The following DDX60L variants were observed in gnomAD, a reference collection of about 807,000 sequenced individuals.
The protein encoded by DDX60L is probable ATP-dependent RNA helicase DDX60-like.
DDX60L carries 191 observed loss-of-function variants against 211.6 expected under a neutral mutation model. That is an observed-to-expected ratio of 0.90 (90% confidence interval 0.80 to 1.02). The LOEUF is 1.02. Among genes scored for constraint, DDX60L ranks in the 50% least tolerant of loss-of-function variants. DDX60L has a pLI of 0.00. For synonymous variants in DDX60L, 706 were observed against 694.1 expected (o/e 1.02, Z -0.27); for missense variants, 2,007 against 1,984.1 (o/e 1.01, Z -0.22).
intron 7 of DDX60L, 66 bp from the exon 8 acceptor site, chr4:168,453,348 A>C: frequency 6.7e-7 from 1 of 1,486,870 alleles, no homozygotes; most frequent in Non-Finnish European, 9.1e-7. Flanking sequence ...TGAAATAGGC[A>C]CTCCACGAAG....
intron 25 of DDX60L, among the ~76,000 whole-genome samples, chr4:168,401,775 A>G (rs190311646): frequency 7.7e-4 from 118 of 152,360 alleles, no homozygotes; most frequent in Middle Eastern, 3.4e-3. Flanking sequence ...TAGAAAACAG[A>G]CTTCGAAAAG....
In DDX60L at chr4:168,453,221, C is replaced by T; in HGVS notation, c.899G>A (p.Cys300Tyr). The T allele has an allele frequency of 6.2e-7, 1 of 1,613,350 alleles. No individual in the cohort carries two copies. Among genetic ancestry groups the T allele is most frequent in the Non-Finnish European group, 8.5e-7 (1 of 1,179,544 alleles). Residue 300 changes from cysteine (C) to tyrosine (Y), a missense_variant, in exon 8 of 38, where the codon TGT becomes TAT. Physicochemically the swap from Cys to Tyr is radical, Grantham distance 194. Coordinates refer to ENST00000682922, the MANE Select transcript of DDX60L (RefSeq NM_001012967.3). ...VEDFCRLRCL[C>Y]VAFQLHLPLS... ...GGGTAAGTGGAGTTGAAAAGCCACA[C>T]AGAGGCAACGCAGTCTGCAGAAATC...
At position 168,416,714 on chromosome 4, in the gene DDX60L, T is replaced by C; in HGVS notation, c.2694A>G (p.Ser898=). ...VIIRCPFLVL[S]ATINNPNLLT... ...GAAGATTTGGGTTATTTATGGTAGC[T>C]GAAAGAACCAAAAAGGGACATCGAA... Residue 898 remains serine (S), a synonymous_variant, in exon 20 of 38, where the codon TCA becomes TCG. Transcript: ENST00000682922. 6.2e-7 allele frequency: 1 copy of C among 1,602,788 alleles called. No individual in the cohort carries two copies. Among genetic ancestry groups the C allele is most frequent in the South Asian group, 1.1e-5 (1 of 88,188 alleles).
chr4:168,361,021 C>G (rs775930178), intron 37 of DDX60L, 128 bp downstream of exon 37: 1 of 690,620 alleles, frequency 1.4e-6, no homozygotes, highest in Non-Finnish European at 2.5e-6. Flanking sequence ...TGTAGAGAAC[C>G]TGGGAGGCTC....
chr4:168,472,641 A>G lies in DDX60L; in HGVS notation c.4+55T>C, dbSNP rs1053035795. On this transcript the variant is annotated intron_variant, in intron 2 of 37. Transcript: ENST00000682922. ...TACTTTGTAACATTATTGAATCTGA[A>G]TATCTTACAAGATTGTTGCTTTATA... The G allele has an allele frequency of 6.1e-5, 97 of 1,602,588 alleles. No individual in the cohort carries two copies. In the African/African-American group the frequency reaches 1.2e-3, roughly 20 times the overall value.
rs1261653404 is a variant in DDX60L, at chr4:168,373,802, G to A, written c.4640C>T (p.Thr1547Ile). 1 of 1,612,772 alleles carries A rather than the reference G, an allele frequency of 6.2e-7. No individual in the cohort carries two copies. The highest frequency in any genetic ancestry group is 1.7e-5 in the Admixed American group (1 of 59,770). The part of the protein sequence containing the change: ...HQLPLSRIKF[T>I]GKECEDSQLV... ...TTGGGAGTCTTCACATTCTTTACCTGTGAATTCTGACCATTTTGGACTAGG... is the reference window on the plus strand; with the variant it reads ...TTGGGAGTCTTCACATTCTTTACCTATGAATTCTGACCATTTTGGACTAGG... Residue 1547 changes from threonine to isoleucine, a missense_variant, in exon 35 of 38, where the codon ACA becomes ATA. Physicochemically the swap from Thr to Ile is moderately conservative, Grantham distance 89 (BLOSUM62 -1). Transcript: ENST00000682922.
chr4:168,439,742 C>T (rs1753558225), intron 10 of DDX60L, among the ~76,000 whole-genome samples: 1 of 152,174 alleles, frequency 6.6e-6, no homozygotes, highest in African/African-American at 2.4e-5. Context: ...AGCACATATA[C>T]TACCAAAACC....
At chr4:168,454,595 A>C (rs180839828) in intron 7 of DDX60L, among the ~76,000 whole-genome samples, 1 of 152,194 alleles carries the variant, frequency 6.6e-6, no homozygotes. Context: ...TTAGACAATC[A>C]ATATCCTTAG....
intron 5 of DDX60L, among the ~76,000 whole-genome samples, chr4:168,458,930 A>C (rs1475003541): frequency 1.3e-5 from 2 of 152,142 alleles, no homozygotes; most frequent in Non-Finnish European, 2.9e-5. Context: ...AAACATGCAT[A>C]TTTCCTCTTT....
At chr4:168,426,689 C>T (rs1751506390) in intron 14 of DDX60L, among the ~76,000 whole-genome samples, 1 of 152,202 alleles carries the variant, frequency 6.6e-6, no homozygotes, top group Non-Finnish European at 1.5e-5. Context: ...TGGAGAATCA[C>T]CTCCCAACAG....
chr4:168,464,801 A>T (rs1487978326), intron 4 of DDX60L, among the ~76,000 whole-genome samples: 1 of 152,124 alleles, frequency 6.6e-6, no homozygotes, highest in African/African-American at 2.4e-5. Flanking sequence ...GTCCTCCAAG[A>T]TCATCATGTT....
Position 168,457,934 on chromosome 4 carries a change from T to C in DDX60L, c.681A>G (p.Ala227=). 1 of 1,569,082 alleles carries C rather than the reference T, an allele frequency of 6.4e-7. No homozygotes were observed. The highest frequency in any genetic ancestry group is 1.2e-5 in the South Asian group (1 of 85,262). Residue 227 remains alanine (A), a synonymous_variant, in exon 6 of 38, where the codon GCA becomes GCG. Transcript: ENST00000682922. ...HLEEIRVLVL[A]THFEHLKWND... The stretch of plus-strand genomic sequence containing the variant: ...TCCATTTCAAATGTTCAAAATGAGT[T>C]GCTAATACTAAAACCCTTATTTCTT...
In DDX60L at chr4:168,406,081, TG is replaced by T. The variant is rs1561002951; in HGVS notation, c.3085-4del. On this transcript the variant is annotated splice_polypyrimidine_tract_variant and splice_region_variant and intron_variant, in intron 23 of 37. Transcript: ENST00000682922. ...ATGAATTCCTCTGGACACAATTCCT[TG>T]GGGGGAAAATTATCACAAAATTAAG... 3 of 1,587,264 alleles carry T rather than the reference TG, an allele frequency of 1.9e-6. No individual in the cohort carries two copies. Among genetic ancestry groups the T allele is most frequent in the Non-Finnish European group, 1.7e-6 (2 of 1,171,312 alleles).
intron 36 of DDX60L, 35 bp from the exon 37 acceptor site, chr4:168,361,246 A>G (rs1739062002): frequency 1.4e-6 from 2 of 1,395,670 alleles, no homozygotes; most frequent in Middle Eastern, 1.8e-4. Context: ...TAAAAAGTAT[A>G]AAAACATAAA....
intron 9 of DDX60L, among the ~76,000 whole-genome samples, chr4:168,442,793 C>G (rs961019978): frequency 4.0e-5 from 6 of 151,154 alleles, no homozygotes; most frequent in Admixed American, 2.6e-4. Flanking sequence ...GCAGGGTACT[C>G]CAACAGACCT....
rs1399862796 is a variant in DDX60L, at chr4:168,415,387, C to T, written c.2979+21G>A. The T allele has an allele frequency of 8.4e-6, 13 of 1,540,246 alleles. No individual in the cohort carries two copies. The African/African-American group carries it at 9.6e-5, about 11-fold the overall frequency. On this transcript the variant is annotated intron_variant, in intron 22 of 37. Coordinates refer to ENST00000682922, the MANE Select transcript of DDX60L (RefSeq NM_001012967.3). ...TACACTAAAAATTCCACTAACAGGA[C>T]AAATACACTTTTATACTTACAATAT...
rs1325730487 is a variant in DDX60L, at chr4:168,430,619, ATGAGG to A, written c.1531_1535del (p.Pro511CysfsTer3). ...GAATCTTTTTCAGGAAATCAAGAACATGAGGATCTCTAGATTGTTCTGAAATAGAA... is the reference window on the plus strand; with the variant it reads ...GAATCTTTTTCAGGAAATCAAGAACAATCTCTAGATTGTTCTGAAATAGAA... On this transcript the variant is annotated frameshift_variant, in exon 13 of 38. Coordinates refer to ENST00000682922, the MANE Select transcript of DDX60L (RefSeq NM_001012967.3). LOFTEE classifies it high-confidence loss of function. 2.6e-6 allele frequency: 4 copies of A among 1,565,812 alleles called. No homozygotes were observed. In the Admixed American group the frequency reaches 5.8e-5, roughly 23 times the overall value.
chr4:168,450,627 TAG>T (rs1755677808), intron 8 of DDX60L, among the ~76,000 whole-genome samples: 1 of 152,194 alleles, frequency 6.6e-6, no homozygotes, highest in Admixed American at 6.5e-5. Flanking sequence ...TAATAATAAT[TAG>T]CCTTGGCTAG....
chr4:168,372,643 C>T (rs1332234758), intron 35 of DDX60L, among the ~76,000 whole-genome samples: 1 of 151,972 alleles, frequency 6.6e-6, no homozygotes, highest in African/African-American at 2.4e-5. Flanking sequence ...GGGAGGATCA[C>T]CTGAGCCCCG....
Sources: allele counts gnomAD v4.1 joint callset (sites outside exome capture counted in the v4.1 genomes callset), GRCh38; gene constraint gnomAD v4.1.1; transcripts MANE v1.5; gene names NCBI Gene and HGNC (gene_info 2026-07-23, HGNC 2026-07-21).